DGKB: variants seen among roughly 807,000 people sequenced by gnomAD.
The protein encoded by DGKB is 90 kDa diacylglycerol kinase.
In DGKB, 67 loss-of-function variants were observed where a neutral mutation model predicts 114.3. That is an observed-to-expected ratio of 0.59 (90% CI 0.48 to 0.72). The LOEUF is 0.72. Among genes scored for constraint, DGKB ranks in the 30% least tolerant of loss-of-function variants. The pLI is 0.00. For synonymous variants in DGKB, 398 were observed against 323.1 expected (o/e 1.23, Z -2.49); for missense variants, 907 against 975.2 (o/e 0.93, Z 0.93).
intron 21 of DGKB, among the ~76,000 whole-genome samples, chr7:14,347,836 T>C (rs1812741195): frequency 6.6e-6 from 1 of 152,088 alleles, no homozygotes; most frequent in Admixed American, 6.6e-5. Context: ...ATTGTGATAA[T>C]TATTTCACAA....
At chr7:14,751,352 T>C (rs1205140589) in intron 4 of DGKB, among the ~76,000 whole-genome samples, 1 of 152,198 alleles carries the variant, frequency 6.6e-6, no homozygotes, top group African/African-American at 2.4e-5. Context: ...CTTTTCAAAG[T>C]TGGAATTTAT....
chr7:14,666,816 T>C (rs1451497079), intron 13 of DGKB, among the ~76,000 whole-genome samples: 1 of 151,934 alleles, frequency 6.6e-6, no homozygotes. Context: ...AACACAGTCA[T>C]GGGAAAATCT....
intron 20 of DGKB, among the ~76,000 whole-genome samples, chr7:14,483,616 C>G (rs1012284229): frequency 2.6e-5 from 4 of 152,206 alleles, no homozygotes; most frequent in South Asian, 2.1e-4. Context: ...TCTCTAGAAC[C>G]TTGAAATGTT....
At chr7:14,325,824 C>T (rs1676124216) in intron 23 of DGKB, among the ~76,000 whole-genome samples, 1 of 152,158 alleles carries the variant, frequency 6.6e-6, no homozygotes, top group Admixed American at 6.5e-5. Context: ...AAAATGGCCC[C>T]TTCACCTCTG....
intron 20 of DGKB, among the ~76,000 whole-genome samples, chr7:14,485,013 A>C (rs987422606): frequency 2.0e-5 from 3 of 151,768 alleles, no homozygotes; most frequent in African/African-American, 4.8e-5. Context: ...CAATGGCAAA[A>C]GTAATTATAA....
intron 17 of DGKB, among the ~76,000 whole-genome samples, chr7:14,593,689 A>T (rs1425522549): frequency 6.6e-6 from 1 of 152,024 alleles, no homozygotes; most frequent in Middle Eastern, 3.2e-3. Context: ...ACCGATGTTA[A>T]ACAAAAATTA....
chr7:14,243,109 T>C (rs562015232), intron 23 of DGKB, among the ~76,000 whole-genome samples: 90 of 152,188 alleles, frequency 5.9e-4, no homozygotes, highest in African/African-American at 1.4e-3. Flanking sequence ...AAGCCTATTT[T>C]TAGGTAATTT....
At chr7:14,517,346 T>C (rs975514658) in intron 20 of DGKB, among the ~76,000 whole-genome samples, 2 of 151,448 alleles carry the variant, frequency 1.3e-5, no homozygotes, top group Non-Finnish European at 2.9e-5. Context: ...CCTAAAACTA[T>C]AAAAACCATG....
At chr7:14,727,682 C>T (rs1465259564) in intron 5 of DGKB, among the ~76,000 whole-genome samples, 2 of 152,148 alleles carry the variant, frequency 1.3e-5, no homozygotes, top group African/African-American at 4.8e-5. Flanking sequence ...ATCTCATAGT[C>T]ACACAAGCTA....
intron 13 of DGKB, among the ~76,000 whole-genome samples, chr7:14,657,660 A>G (rs886357335): frequency 1.3e-5 from 2 of 151,912 alleles, no homozygotes; most frequent in East Asian, 3.9e-4. Context: ...GCTGAAGCTC[A>G]GTGCAGCAAG....
intron 1 of DGKB, among the ~76,000 whole-genome samples, chr7:14,876,683 G>A (rs921469374): frequency 1.3e-5 from 2 of 152,256 alleles, no homozygotes; most frequent in East Asian, 1.9e-4. Context: ...TCCTGGACTC[G>A]TTAGCTGTAC....
intron 2 of DGKB, among the ~76,000 whole-genome samples, chr7:14,765,402 G>A (rs933187129): frequency 5.9e-5 from 9 of 152,058 alleles, no homozygotes; most frequent in African/African-American, 2.2e-4. Flanking sequence ...ATAAAAACTA[G>A]TTAATTCCAA....
intron 23 of DGKB, among the ~76,000 whole-genome samples, chr7:14,284,850 G>A (rs1418730702): frequency 1.5e-5 from 2 of 133,980 alleles, no homozygotes; most frequent in Admixed American, 1.7e-4. Flanking sequence ...ATCACACTCT[G>A]GGGACTGTTT....
chr7:14,502,318 T>C (rs974986466), intron 20 of DGKB, among the ~76,000 whole-genome samples: 1 of 152,010 alleles, frequency 6.6e-6, no homozygotes, highest in African/African-American at 2.4e-5. Flanking sequence ...GTACTAGGCA[T>C]GTGAGTTAAG....
chr7:14,919,097 C>A (rs10267517), intron 1 of DGKB, among the ~76,000 whole-genome samples: 47 of 98,442 alleles, frequency 4.8e-4, no homozygotes, highest in South Asian at 9.5e-4. Flanking sequence ...CACACACAAA[C>A]ACACACACAC....
At chr7:14,579,833 A>C (rs1319345759) in intron 19 of DGKB, among the ~76,000 whole-genome samples, 2 of 152,050 alleles carry the variant, frequency 1.3e-5, no homozygotes, top group Admixed American at 1.3e-4. Flanking sequence ...AGATATTTCC[A>C]TTCAGCATGT....
chr7:14,637,531 T>C, intron 13 of DGKB, among the ~76,000 whole-genome samples: 1 of 151,604 alleles, frequency 6.6e-6, no homozygotes, highest in South Asian at 2.1e-4. Context: ...TATATATATG[T>C]GTGTATATAT....
At chr7:14,244,602 G>A (rs1269206024) in intron 23 of DGKB, among the ~76,000 whole-genome samples, 3 of 150,590 alleles carry the variant, frequency 2.0e-5, no homozygotes, top group East Asian at 2.0e-4. Context: ...TCTGGGAGGC[G>A]CGGGTTGCAG....
At chr7:14,189,062 C>A (rs1001516944) in intron 23 of DGKB, among the ~76,000 whole-genome samples, 1 of 152,046 alleles carries the variant, frequency 6.6e-6, no homozygotes, top group Non-Finnish European at 1.5e-5. Context: ...AACAAAAGGA[C>A]CATAATTACT....
Sources: gnomAD v4.1 joint callset for allele counts (sites outside exome capture counted in the v4.1 genomes callset) on GRCh38, gnomAD v4.1.1 for gene constraint, MANE v1.5 for transcripts, NCBI Gene and HGNC (gene_info 2026-07-23, HGNC 2026-07-21) for gene names.